Variants in BRIP1 observed in about 807,000 individuals in gnomAD.
The protein encoded by BRIP1 is BRCA1 interacting DNA helicase 1, also known as Fanconi anemia group J protein.
A neutral mutation model predicts 119.7 loss-of-function variants in BRIP1; 88 were observed. That is an observed-to-expected ratio of 0.74 (90% CI 0.62 to 0.88). The LOEUF (loss-of-function observed/expected upper bound fraction) is 0.88, where lower values mean the gene tolerates loss of function less well. Ranked by LOEUF, BRIP1 falls within the 40% of genes least tolerant of loss-of-function variation. The probability of loss-of-function intolerance (pLI) is 0.00; values close to 1 mark genes in which losing one functional copy is unlikely to be tolerated. For missense variants in BRIP1, 1,259 were observed against 1,455.4 expected (o/e 0.87, Z 2.20); for synonymous variants, 443 against 496.5 (o/e 0.89, Z 1.43).
intron 6 of BRIP1, among the ~76,000 whole-genome samples, chr17:61,821,426 G>C (rs1345503208): frequency 6.6e-6 from 1 of 152,134 alleles, no homozygotes; most frequent in Non-Finnish European, 1.5e-5. Context: ...TTCAGTTTTA[G>C]GAAGTCAGTG....
chr17:61,742,901 G>A lies in BRIP1; in HGVS notation c.2379+112C>T. The A allele has an allele frequency of 7.2e-7, 1 of 1,385,406 alleles. No individual in the cohort carries two copies. Among genetic ancestry groups the A allele is most frequent in the Non-Finnish European group, 1.0e-6 (1 of 982,928 alleles). The allele number at this position is 1,385,406 out of a possible 1,614,324, so 85.8% of individuals were successfully genotyped here. ...CAGGGTTACCATAAACCTTCAATTT[G>A]TAAAAAAGCACTATAAAAGCAAAGC... On this transcript the variant is annotated intron_variant, in intron 16 of 19. Coordinates refer to ENST00000259008, the MANE Select transcript of BRIP1 (RefSeq NM_032043.3). The surrounding 1 kb of genome is among the most constrained non-coding windows in gnomAD (Gnocchi z 4.7).
chr17:61,716,045 A>G lies in BRIP1; in HGVS notation c.2398T>C (p.Tyr800His), dbSNP rs1305107535. Residue 800 changes from tyrosine to histidine, a missense_variant, in exon 17 of 20, where the codon TAC (tyrosine) becomes CAC (histidine). Tyr to His is a moderately conservative substitution (Grantham distance 83). This residue lies in a region of BRIP1 where 753 missense variants were observed against 891.8 expected (regional missense o/e 0.84). Coordinates refer to ENST00000259008, the MANE Select transcript of BRIP1 (RefSeq NM_032043.3). ...CTCAATTTTGAATGGTGGTCATTGT[A>G]TTGTCGTTTTAGTTCAACCTAATAA... ...KDLQVELKRQYNDHHSKLRGL... is the reference protein window; with the variant it reads ...KDLQVELKRQHNDHHSKLRGL... 8.1e-6 allele frequency: 13 copies of G among 1,599,820 alleles called. No individual in the cohort carries two copies. The Middle Eastern group carries it at 5.0e-4, about 61-fold the overall frequency.
At chr17:61,849,101 T>C (rs2078776402) in intron 5 of BRIP1, 28 bp downstream of exon 5, 5 of 1,612,498 alleles carry the variant, frequency 3.1e-6, no homozygotes, top group Non-Finnish European at 4.2e-6. Flanking sequence ...ACTAACTGGG[T>C]TATTTACTGC....
rs938298235 is a variant in BRIP1 at position 61,760,303 on chromosome 17, T to C, written c.2098-15712A>G. 1.3e-5 allele frequency among the ~76,000 whole-genome samples: 2 copies of C among 151,548 alleles called. No individual in the cohort carries two copies. The highest frequency in any genetic ancestry group is 4.8e-5 in the African/African-American group (2 of 41,288). ...AACTTAAGGGATGCAGCAAACGTAG[T>C]CCTAAGAGGAAAGTTTACAATAACA... is the stretch of plus-strand genomic sequence containing the variant. On this transcript the variant is annotated intron_variant, in intron 14 of 19. Coordinates refer to ENST00000259008, the MANE Select transcript of BRIP1 (RefSeq NM_032043.3). The surrounding 1 kb of genome is among the most constrained non-coding windows in gnomAD (Gnocchi z 4.6).
rs1321056372 is a variant in BRIP1, at chr17:61,810,257, T to C, written c.628-1500A>G. 6.6e-6 allele frequency among the ~76,000 whole-genome samples: 1 copy of C among 152,182 alleles called. No homozygotes were observed. Among genetic ancestry groups the C allele is most frequent in the African/African-American group, 2.4e-5 (1 of 41,460 alleles). On this transcript the variant is annotated intron_variant, in intron 6 of 19. Transcript: ENST00000259008. This position sits in a 1 kb window ranked among gnomAD's most constrained non-coding sequence, Gnocchi z 4.7. ...AAAGGATAAAAAGAAGAGTTATGAA[T>C]GGGGCTCTTGTCAACAGTGAGGCAG...
rs1033680787 is a variant in BRIP1 at position 61,749,086 on chromosome 17, A to G, written c.2098-4495T>C. On this transcript the variant is annotated intron_variant, in intron 14 of 19. Transcript: ENST00000259008. ...TGGGAGGCGGAGGTTGCAGTGAGCC[A>G]AGATCACGCCACTACACTCCAGCCT... 4.6e-5 allele frequency among the ~76,000 whole-genome samples: 7 copies of G among 151,934 alleles called. No individual in the cohort carries two copies. In the South Asian group the frequency reaches 1.5e-3, roughly 32 times the overall value.
chr17:61,714,628 A>C (rs556641029), intron 17 of BRIP1, among the ~76,000 whole-genome samples: 4 of 152,180 alleles, frequency 2.6e-5, no homozygotes, highest in Non-Finnish European at 5.9e-5. Flanking sequence ...ATCCGTTATT[A>C]AGTGATGCAT....
chr17:61,779,849 G>A (rs1311019771), intron 13 of BRIP1, among the ~76,000 whole-genome samples: 1 of 151,928 alleles, frequency 6.6e-6, no homozygotes, highest in Non-Finnish European at 1.5e-5. Context: ...TCAGCAACTT[G>A]AGAGGCTGAA....
At chr17:61,750,944 A>C (rs1351479112) in intron 14 of BRIP1, among the ~76,000 whole-genome samples, 1 of 152,190 alleles carries the variant, frequency 6.6e-6, no homozygotes, top group Non-Finnish European at 1.5e-5. Context: ...GTTCATAGGC[A>C]TAGAATTACC....
Position 61,825,415 on chromosome 17 carries a change from G to C in BRIP1, c.628-16658C>G, listed in dbSNP as rs1475158570. Among the ~76,000 whole-genome samples the C allele has an allele frequency of 1.3e-5, 2 of 151,962 alleles. No homozygotes were observed. Among genetic ancestry groups the C allele is most frequent in the Non-Finnish European group, 2.9e-5 (2 of 67,996 alleles). ...AAAGAAATAAAGGGCATCCAAATAG[G>C]AAGAGAGGAAGTCAAACTATCCCTC... On this transcript the variant is annotated intron_variant, in intron 6 of 19. Coordinates refer to ENST00000259008, the MANE Select transcript of BRIP1 (RefSeq NM_032043.3). This position sits in a 1 kb window ranked among gnomAD's most constrained non-coding sequence, Gnocchi z 4.1.
chr17:61,698,871 C>T (rs1474336132), intron 17 of BRIP1, among the ~76,000 whole-genome samples: 1 of 151,964 alleles, frequency 6.6e-6, no homozygotes, highest in Non-Finnish European at 1.5e-5. Flanking sequence ...CATGCCACTA[C>T]ACCTGGCTAA....
Position 61,831,014 on chromosome 17 carries a change from G to GA in BRIP1, c.627+16086dup, listed in dbSNP as rs1454672077. On this transcript the variant is annotated intron_variant, in intron 6 of 19. Coordinates refer to ENST00000259008, the MANE Select transcript of BRIP1 (RefSeq NM_032043.3). This position sits in a 1 kb window ranked among gnomAD's most constrained non-coding sequence, Gnocchi z 4.1. Reference sequence around the variant, plus strand: ...TTTACCATATCAACAGGATATAGGAGAAAAAACATATAATCCTACCAAGGA... The same window carrying GA: ...TTTACCATATCAACAGGATATAGGAGAAAAAAACATATAATCCTACCAAGGA... Among the ~76,000 whole-genome samples the GA allele has an allele frequency of 1.3e-5, 2 of 152,052 alleles. No homozygotes were observed. Among genetic ancestry groups the GA allele is most frequent in the East Asian group, 3.8e-4 (2 of 5,200 alleles).
Position 61,841,092 on chromosome 17 carries a change from A to T in BRIP1, c.627+6009T>A, listed in dbSNP as rs2078651143. ...CAAAATAGATTAAAGACTTAAACAT[A>T]AGACCCAAAACTATAAGACTACTAG... On this transcript the variant is annotated intron_variant, in intron 6 of 19. Transcript: ENST00000259008. This position sits in a 1 kb window ranked among gnomAD's most constrained non-coding sequence, Gnocchi z 4.1. Among the ~76,000 whole-genome samples the T allele has an allele frequency of 6.6e-6, 1 of 152,192 alleles. No homozygotes were observed. Among genetic ancestry groups the T allele is most frequent in the African/African-American group, 2.4e-5 (1 of 41,446 alleles).
At position 61,713,568 on chromosome 17, in the gene BRIP1, C is replaced by A. The variant is rs986698607; in HGVS notation, c.2492+2383G>T. ...ATGGAGTCTCGCTCTGTCGCCCAGG[C>A]TGGAGTGCAGTGGGGTGATCTCGGC... On this transcript the variant is annotated intron_variant, in intron 17 of 19. Transcript: ENST00000259008. This position sits in a 1 kb window ranked among gnomAD's most constrained non-coding sequence, Gnocchi z 4.9. 6.6e-6 allele frequency among the ~76,000 whole-genome samples: 1 copy of A among 150,928 alleles called. No homozygotes were observed. Among genetic ancestry groups the A allele is most frequent in the Non-Finnish European group, 1.5e-5 (1 of 67,872 alleles).
intron 11 of BRIP1, among the ~76,000 whole-genome samples, chr17:61,782,372 C>G (rs1178739607): frequency 1.8e-5 from 2 of 110,194 alleles, no homozygotes; most frequent in African/African-American, 3.7e-5. Flanking sequence ...GGTGACAGAG[C>G]GAGACTCCCG....
In BRIP1 at chr17:61,849,249, A is replaced by G. The variant is rs779324498; in HGVS notation, c.387T>C (p.Pro129=). The G allele has an allele frequency of 6.2e-6, 10 of 1,612,440 alleles. No homozygotes were observed. Among genetic ancestry groups the G allele is most frequent in the Non-Finnish European group, 7.6e-6 (9 of 1,178,874 alleles). ...NGTSSTCQDS[P]EKTTLAAKLS... ...ACTTTGCAGCCAGAGTGGTTTTTTCAGGGGAGTCTTATATAAGTAATTTAA... is the reference window on the plus strand; with the variant it reads ...ACTTTGCAGCCAGAGTGGTTTTTTCGGGGGAGTCTTATATAAGTAATTTAA... The change falls in exon 5 of 20, where the codon CCT becomes CCC. Residue 129 remains proline (P), a synonymous_variant. Coordinates refer to ENST00000259008, the MANE Select transcript of BRIP1 (RefSeq NM_032043.3).
rs533897182 is a variant in BRIP1, at chr17:61,684,947, G to A, written c.2906-807C>T. On this transcript the variant is annotated intron_variant, in intron 19 of 19. Coordinates refer to ENST00000259008, the MANE Select transcript of BRIP1 (RefSeq NM_032043.3). The surrounding 1 kb of genome is among the most constrained non-coding windows in gnomAD (Gnocchi z 4.5). ...TTTGTATTTTTTTAGTAGAGACGGT[G>A]TTTCACCACACTGGTCAGGCTGGTC... is the stretch of plus-strand genomic sequence containing the variant. 1 of 152,144 alleles carries A rather than the reference G, an allele frequency of 6.6e-6. No homozygotes were observed. The highest frequency in any genetic ancestry group is 2.1e-4 in the South Asian group (1 of 4,812). 9.4% of individuals were successfully genotyped at this position (152,144 alleles called of 1,614,324 possible). A position where few individuals can be genotyped will look rare whatever the true frequency, so the allele number is the denominator to read the frequency against.
At chr17:61,772,188 TATATATATATATATATATATAA>T (rs1209529696) in intron 14 of BRIP1, among the ~76,000 whole-genome samples, 56 of 87,438 alleles carry the variant, frequency 6.4e-4, no homozygotes, top group African/African-American at 1.6e-3. Context: ...TATATATATA[TATATATATATATATATATATAA>T]AATGAAATAT....
chr17:61,821,158 T>C lies in BRIP1; in HGVS notation c.628-12401A>G, dbSNP rs559065453. 2.7e-3 allele frequency among the ~76,000 whole-genome samples: 415 copies of C among 152,230 alleles called. 4 individuals carry two copies. Among genetic ancestry groups the C allele is most frequent in the African/African-American group, 9.5e-3 (394 of 41,540 alleles). ...TTGTGGGAGGCAACCAATCAGAAGC[T>C]GAAGGGAAGCTACAGTTACATCCTA... On this transcript the variant is annotated intron_variant, in intron 6 of 19. Transcript: ENST00000259008.
Sources: allele counts gnomAD v4.1 joint callset (sites outside exome capture counted in the v4.1 genomes callset), GRCh38; gene constraint gnomAD v4.1.1; regional missense constraint gnomAD v4.1.1; non-coding constraint Gnocchi (gnomAD v3.1); transcripts MANE v1.5; gene names NCBI Gene and HGNC (gene_info 2026-07-23, HGNC 2026-07-21).